The following POLA1 variants were observed in gnomAD, a reference collection of about 807,000 sequenced individuals.
The protein encoded by POLA1 is DNA polymerase alpha catalytic subunit.
A neutral mutation model predicts 124.0 loss-of-function variants in POLA1; 15 were observed. The ratio of observed to expected loss-of-function variants is 0.12; its 90% CI spans 0.08 to 0.19. The LOEUF is 0.19. POLA1 is among the 10% of genes least tolerant of loss of function. The pLI, the probability that POLA1 is intolerant of heterozygous loss-of-function variation, is 1.00. For missense variants in POLA1, 886 were observed against 1,103.4 expected (o/e 0.80, Z 2.79); for synonymous variants, 408 against 389.4 (o/e 1.05, Z -0.56).
intron 29 of POLA1, 137 bp from the exon 30 acceptor site, chrX:24,814,842 C>T (rs747211652): frequency 1.9e-6 from 1 of 533,901 alleles, no homozygotes; most frequent in South Asian, 5.4e-5. Context: ...CATTAACCCT[C>T]ATATTAGCTC....
intron 36 of POLA1, among the ~76,000 whole-genome samples, chrX:24,967,489 G>A (rs1304870192): frequency 9.2e-6 from 1 of 109,247 alleles, no homozygotes; most frequent in East Asian, 2.9e-4. Context: ...GGGTAACATG[G>A]CGAAACCCAT....
chrX:24,758,331 A>AATTAC (rs779639774), intron 26 of POLA1, among the ~76,000 whole-genome samples: 2 of 112,091 alleles, frequency 1.8e-5, no homozygotes, highest in Non-Finnish European at 3.8e-5. Flanking sequence ...GCTTGATTTT[A>AATTAC]ATTACTCTAT....
chrX:24,867,585 AT>A (rs1482386743), intron 34 of POLA1, among the ~76,000 whole-genome samples: 1 of 112,028 alleles, frequency 8.9e-6, no homozygotes, highest in Non-Finnish European at 1.9e-5. Flanking sequence ...TTATCAAAAA[AT>A]AACTTACATG....
rs1931410792 is a variant in POLA1 at position 24,738,218 on chromosome X, T to TC, written c.2040+478dup. The stretch of plus-strand genomic sequence containing the variant: ...CTGGGCGACAGAGCGAGACTCCGTC[T>TC]CAAAAAAAAAAAAAAAAAAAAAAAA... On this transcript the variant is annotated intron_variant, in intron 19 of 36. Coordinates refer to ENST00000379068, the MANE Select transcript of POLA1 (RefSeq NM_001330360.2). Among the ~76,000 whole-genome samples the TC allele has an allele frequency of 3.6e-4, 8 of 22,069 alleles. 1 individual carries two copies. Among genetic ancestry groups the TC allele is most frequent in the Admixed American group, 7.9e-4 (1 of 1,262 alleles). 19.2% of individuals were successfully genotyped at this position (22,069 alleles called of 115,157 possible).
At chrX:24,788,300 G>T in intron 26 of POLA1, 1 of 931,165 alleles carries the variant, frequency 1.1e-6, no homozygotes, top group Non-Finnish European at 1.4e-6. Flanking sequence ...TCTAAGATTG[G>T]GAACAAGATA....
chrX:24,913,985 A>G (rs2047492335), intron 35 of POLA1, among the ~76,000 whole-genome samples: 1 of 110,124 alleles, frequency 9.1e-6, no homozygotes, highest in Non-Finnish European at 1.9e-5. Context: ...CCAAGATCGT[A>G]CCATTGCCCT....
chrX:24,724,469 A>AT lies in POLA1; in HGVS notation c.1317+25dup, dbSNP rs1930409584. On this transcript the variant is annotated intron_variant, in intron 12 of 36. Coordinates refer to ENST00000379068, the MANE Select transcript of POLA1 (RefSeq NM_001330360.2). ...AGTCTAAGGTTTGTATTTGGCGATG[A>AT]TTTTTTTCCAGCTCTGTTTGTTGTT... 5.4e-6 allele frequency: 4 copies of AT among 741,819 alleles called. No individual in the cohort carries two copies. The highest frequency in any genetic ancestry group is 8.1e-6 in the Non-Finnish European group (4 of 491,127). 61.1% of individuals were successfully genotyped at this position (741,819 alleles called of 1,213,427 possible). A position where few individuals can be genotyped will look rare whatever the true frequency, so the allele number is the denominator to read the frequency against.
chrX:24,910,516 TAAATA>T (rs1475878882), intron 35 of POLA1, among the ~76,000 whole-genome samples: 1 of 112,004 alleles, frequency 8.9e-6, no homozygotes, highest in Non-Finnish European at 1.9e-5. Context: ...AAACTCACTT[TAAATA>T]GAAGAATATT....
chrX:24,819,031 C>T (rs111711627), intron 30 of POLA1, among the ~76,000 whole-genome samples: 7 of 111,864 alleles, frequency 6.3e-5, no homozygotes, highest in Non-Finnish European at 1.1e-4. Context: ...GTATTTTCTT[C>T]GTAATGTGGA....
intron 26 of POLA1, among the ~76,000 whole-genome samples, chrX:24,790,938 TATAA>T (rs1165223115): frequency 9.8e-6 from 1 of 102,479 alleles, no homozygotes; most frequent in Non-Finnish European, 2.0e-5. Flanking sequence ...TATATATATA[TATAA>T]AACATTTAAC....
intron 34 of POLA1, among the ~76,000 whole-genome samples, chrX:24,880,806 G>C (rs2046992022): frequency 9.0e-6 from 1 of 111,665 alleles, no homozygotes; most frequent in Non-Finnish European, 1.9e-5. Flanking sequence ...TTTATAAATG[G>C]TTTAGGGTGA....
intron 34 of POLA1, among the ~76,000 whole-genome samples, chrX:24,887,444 A>G (rs1288555124): frequency 8.9e-6 from 1 of 112,584 alleles, no homozygotes; most frequent in Non-Finnish European, 1.9e-5. Flanking sequence ...TTTTGTTTGC[A>G]TGAAATAATT....
chrX:24,948,537 G>A (rs1464897587), intron 36 of POLA1, among the ~76,000 whole-genome samples: 1 of 111,132 alleles, frequency 9.0e-6, no homozygotes, highest in East Asian at 2.8e-4. Context: ...AAATAAGCGT[G>A]ATAAACCATA....
chrX:24,859,019 A>G (rs1433753377), intron 34 of POLA1, among the ~76,000 whole-genome samples: 2 of 111,324 alleles, frequency 1.8e-5, no homozygotes. Flanking sequence ...CCAGCCCAGG[A>G]TGACCAAAGC....
intron 26 of POLA1, among the ~76,000 whole-genome samples, chrX:24,791,488 C>G (rs747776864): frequency 1.8e-5 from 2 of 112,469 alleles, no homozygotes; most frequent in Non-Finnish European, 3.8e-5. Context: ...CCGGTTCAAG[C>G]GATTCTCCTG....
intron 35 of POLA1, among the ~76,000 whole-genome samples, chrX:24,898,144 G>A (rs2047232434): frequency 8.9e-6 from 1 of 111,787 alleles, no homozygotes; most frequent in Non-Finnish European, 1.9e-5. Flanking sequence ...ATGCCCATTA[G>A]GGCTTCCTTT....
chrX:24,851,228 C>T (rs989046295), intron 34 of POLA1, among the ~76,000 whole-genome samples: 2 of 112,237 alleles, frequency 1.8e-5, no homozygotes, highest in Admixed American at 1.9e-4. Context: ...ACTGCAGCAC[C>T]CAGTATTGTG....
intron 34 of POLA1, among the ~76,000 whole-genome samples, chrX:24,885,683 C>A (rs1034511784): frequency 5.4e-5 from 6 of 111,608 alleles, no homozygotes; most frequent in African/African-American, 2.0e-4. Context: ...TGCCACCACA[C>A]TCGGCTATTT....
At chrX:24,899,336 A>G (rs1243561837) in intron 35 of POLA1, among the ~76,000 whole-genome samples, 2 of 112,094 alleles carry the variant, frequency 1.8e-5, no homozygotes, top group Non-Finnish European at 1.9e-5. Context: ...GCCATGTTTT[A>G]CAGTTATAGC....
Sources: gnomAD v4.1 joint callset for allele counts (sites outside exome capture counted in the v4.1 genomes callset) on GRCh38, gnomAD v4.1.1 for gene constraint, MANE v1.5 for transcripts, NCBI Gene and HGNC (gene_info 2026-07-23, HGNC 2026-07-21) for gene names.